HSPG2: variants seen among roughly 807,000 people sequenced by gnomAD.
The protein encoded by HSPG2 is basement membrane-specific heparan sulfate proteoglycan core protein.
Under a neutral mutation model 526.6 loss-of-function variants are expected in HSPG2, and 278 were observed. The observed-to-expected ratio is 0.53, with a 90% CI of 0.48 to 0.58. The LOEUF is 0.58. HSPG2 is among the 20% of genes least tolerant of loss of function. The pLI is 0.00. For missense variants in HSPG2, 5,354 were observed against 6,099.5 expected (o/e 0.88, Z 4.07); for synonymous variants, 2,465 against 2,555.4 (o/e 0.96, Z 1.07).
In HSPG2 at chr1:21,893,617, G is replaced by C. The variant is rs1642523801; in HGVS notation, c.244+2305C>G. ...GAGGGGACTCCTCATCAGGCTCCGAGACCATCATGCCAGCCACGGGCGGGC... is the reference window on the plus strand; with the variant it reads ...GAGGGGACTCCTCATCAGGCTCCGACACCATCATGCCAGCCACGGGCGGGC... On this transcript the variant is annotated intron_variant, in intron 3 of 96. Coordinates refer to ENST00000374695, the MANE Select transcript of HSPG2 (RefSeq NM_005529.7). The surrounding 1 kb of genome is among the most constrained non-coding windows in gnomAD (Gnocchi z 4.3). 6.6e-6 allele frequency among the ~76,000 whole-genome samples: 1 copy of C among 152,088 alleles called. No homozygotes were observed. The highest frequency in any genetic ancestry group is 6.5e-5 in the Admixed American group (1 of 15,280).
chr1:21,877,225 C>G (rs534930533), intron 21 of HSPG2, among the ~76,000 whole-genome samples: 1 of 152,102 alleles, frequency 6.6e-6, no homozygotes. Flanking sequence ...TGAAATACAG[C>G]GACTTGATTG....
chr1:21,831,024 C>T lies in HSPG2; in HGVS notation c.11629G>A (p.Gly3877Arg), dbSNP rs769113513. Reference protein sequence around the residue: ...YVCVCPAGFTGSRCEHSQALH... With the variant: ...YVCVCPAGFTRSRCEHSQALH... Reference sequence around the variant, plus strand: ...GCCTGCGAGTGCTCACAGCGGCTCCCGGTGAAGCCAGCTGGGCAGACGCAC... The same window carrying T: ...GCCTGCGAGTGCTCACAGCGGCTCCTGGTGAAGCCAGCTGGGCAGACGCAC... The change falls in exon 85 of 97, where the codon GGG becomes AGG. Residue 3877 changes from glycine (G) to arginine (R), a missense_variant. Transcript: ENST00000374695. The T allele has an allele frequency of 3.3e-5, 52 of 1,590,848 alleles. No homozygotes were observed. Among genetic ancestry groups the T allele is most frequent in the Admixed American group, 2.0e-4 (11 of 55,332 alleles).
chr1:21,864,069 A>T lies in HSPG2; in HGVS notation c.4740+31T>A. On this transcript the variant is annotated intron_variant, in intron 37 of 96. Transcript: ENST00000374695. This position sits in a 1 kb window ranked among gnomAD's most constrained non-coding sequence, Gnocchi z 4.8. ...CCCCCACCCAGGCCCAGCTGAGCTG[A>T]CCCCCTGTCCTGGCCTCGCTTGCAG... 6.6e-7 allele frequency: 1 copy of T among 1,506,352 alleles called. No individual in the cohort carries two copies. The highest frequency in any genetic ancestry group is 1.4e-5 in the African/African-American group (1 of 72,000). 93.3% of individuals were successfully genotyped at this position (1,506,352 alleles called of 1,614,324 possible).
intron 1 of HSPG2, among the ~76,000 whole-genome samples, chr1:21,912,666 C>T (rs1381465294): frequency 2.0e-5 from 3 of 152,120 alleles, no homozygotes; most frequent in Admixed American, 6.6e-5. Flanking sequence ...TTTGTGCCTC[C>T]CATACCCCCA....
chr1:21,883,210 T>G (rs1343801287), intron 13 of HSPG2, among the ~76,000 whole-genome samples: 2 of 152,250 alleles, frequency 1.3e-5, no homozygotes, highest in African/African-American at 4.8e-5. Context: ...TTTTTGGCAG[T>G]TCGTTGACTG....
intron 1 of HSPG2, among the ~76,000 whole-genome samples, chr1:21,936,482 C>T (rs891449750): frequency 1.3e-5 from 2 of 152,200 alleles, no homozygotes; most frequent in East Asian, 1.9e-4. Context: ...TGCAGCTATG[C>T]ATTTTGAGGC....
Position 21,851,561 on chromosome 1 carries a change from G to A in HSPG2, c.7143C>T (p.Leu2381=). 1.2e-6 allele frequency: 2 copies of A among 1,614,016 alleles called. No individual in the cohort carries two copies. Among genetic ancestry groups the A allele is most frequent in the South Asian group, 1.1e-5 (1 of 91,084 alleles). ...AGTCCCATACCTGGTGCCGGACAGGGAGGCTGCCCCCACGCTTGTGCCACG... is the reference window on the plus strand; with the variant it reads ...AGTCCCATACCTGGTGCCGGACAGGAAGGCTGCCCCCACGCTTGTGCCACG... ...QVTWHKRGGS[L]PVRHQTHGSL... Residue 2381 remains leucine (L), a synonymous_variant, in exon 55 of 97, where the codon CTC becomes CTT. Coordinates refer to ENST00000374695, the MANE Select transcript of HSPG2 (RefSeq NM_005529.7).
At chr1:21,852,384 A>T (rs1313580505) in intron 52 of HSPG2, 151 bp from the exon 53 acceptor site, 1 of 999,898 alleles carries the variant, frequency 1.0e-6, no homozygotes, top group Non-Finnish European at 1.5e-6. Flanking sequence ...CCCTCAGCTC[A>T]GCAACCCTGA....
chr1:21,895,372 GAGCCT>G lies in HSPG2; in HGVS notation c.244+545_244+549del, dbSNP rs1461603467. Among the ~76,000 whole-genome samples, 1 of 152,174 alleles carries G rather than the reference GAGCCT, an allele frequency of 6.6e-6. No homozygotes were observed. Among genetic ancestry groups the G allele is most frequent in the Non-Finnish European group, 1.5e-5 (1 of 68,000 alleles). ...TGGGGGCTGACTCTCCTCCCTCCAA[GAGCCT>G]AGCCTTGCCTCCCTAAGCTAGGAAC... On this transcript the variant is annotated intron_variant, in intron 3 of 96. Coordinates refer to ENST00000374695, the MANE Select transcript of HSPG2 (RefSeq NM_005529.7). The surrounding 1 kb of genome is among the most constrained non-coding windows in gnomAD (Gnocchi z 4.1).
chr1:21,911,850 C>A (rs927399600), intron 1 of HSPG2, among the ~76,000 whole-genome samples: 1 of 152,202 alleles, frequency 6.6e-6, no homozygotes, highest in African/African-American at 2.4e-5. Context: ...CGGTGCCAAG[C>A]CTTTCCAGCC....
chr1:21,889,687 T>C (rs200338632), intron 6 of HSPG2: 4 of 436,936 alleles, frequency 9.2e-6, no homozygotes, highest in Non-Finnish European at 1.7e-5. Flanking sequence ...TATTAAGTAC[T>C]AATGTGTTTT....
intron 13 of HSPG2, among the ~76,000 whole-genome samples, chr1:21,881,955 AAAAAAAAAAGAAAGAAAAG>A (rs1557777632): frequency 1.3e-5 from 2 of 151,682 alleles, no homozygotes; most frequent in Non-Finnish European, 2.9e-5. Context: ...AAAAAAAAAA[AAAAAAAAAAGAAAGAAAAG>A]AAAAAGAAAA....
rs1338601488 is a variant in HSPG2, at chr1:21,829,500, G to A, written c.11875C>T (p.Pro3959Ser). ...HELRLDVEFK[P>S]LAPDGVLLFS... is the part of the protein sequence containing the mutation. ...AGCAGGACCCCGTCAGGGGCGAGTG[G>A]CTTGAACTCCACGTCCAGGCGTAGC... Residue 3959 changes from proline (P) to serine (S), a missense_variant, in exon 87 of 97, where the codon CCA becomes TCA. By Grantham distance (74) the Pro-to-Ser change is moderately conservative. Transcript: ENST00000374695. 13 of 1,613,116 alleles carry A rather than the reference G, an allele frequency of 8.1e-6. No individual in the cohort carries two copies. Among genetic ancestry groups the A allele is most frequent in the Non-Finnish European group, 1.0e-5 (12 of 1,179,854 alleles).
chr1:21,884,708 C>T lies in HSPG2; in HGVS notation c.1508-34G>A, dbSNP rs769935047. The T allele has an allele frequency of 3.7e-6, 6 of 1,610,548 alleles. No homozygotes were observed. In the East Asian group the frequency reaches 6.7e-5, roughly 18 times the overall value. On this transcript the variant is annotated intron_variant, in intron 12 of 96. Transcript: ENST00000374695. ...CGGCATGGGCGGGGGCTGCAGCCGG[C>T]TGTGGTGGGCAGCCCGGCTCTGCCC...
At chr1:21,868,481 G>T (rs183862442) in intron 33 of HSPG2, among the ~76,000 whole-genome samples, 3 of 152,134 alleles carry the variant, frequency 2.0e-5, no homozygotes, top group South Asian at 4.2e-4. Context: ...GGATGGACAG[G>T]GAGCTCTGGG....
chr1:21,898,218 G>A lies in HSPG2; in HGVS notation c.64-1908C>T, dbSNP rs1354403871. Among the ~76,000 whole-genome samples the A allele has an allele frequency of 6.6e-6, 1 of 152,148 alleles. No individual in the cohort carries two copies. The highest frequency in any genetic ancestry group is 2.4e-5 in the African/African-American group (1 of 41,424). On this transcript the variant is annotated intron_variant, in intron 1 of 96. Coordinates refer to ENST00000374695, the MANE Select transcript of HSPG2 (RefSeq NM_005529.7). The surrounding 1 kb of genome is among the most constrained non-coding windows in gnomAD (Gnocchi z 4.0). The stretch of plus-strand genomic sequence containing the variant: ...CTAGGCTGTGAGCTCCCTGGATGGG[G>A]GAGTGGCTGGGTGCCATTTGTTCAT...
intron 65 of HSPG2, 140 bp from the exon 66 acceptor site, chr1:21,843,578 T>C: frequency 1.2e-6 from 1 of 804,504 alleles, no homozygotes; most frequent in Non-Finnish European, 1.9e-6. Context: ...ACAGTCCGCA[T>C]TGTGGAGGGC....
rs1557695205 is a variant in HSPG2 at position 21,841,118 on chromosome 1, T to C, written c.9496A>G (p.Ser3166Gly). 6.2e-7 allele frequency: 1 copy of C among 1,611,542 alleles called. No individual in the cohort carries two copies. The highest frequency in any genetic ancestry group is 8.5e-7 in the Non-Finnish European group (1 of 1,179,244). The change falls in exon 71 of 97, where the codon AGC (serine) becomes GGC (glycine). Residue 3166 changes from serine (S) to glycine (G), a missense_variant. Physicochemically the swap from Ser to Gly is moderately conservative, Grantham distance 56. Coordinates refer to ENST00000374695, the MANE Select transcript of HSPG2 (RefSeq NM_005529.7). ...GGCTTCACCTGCAGCACCGCGTGGC[T>C]GTCCATGAGCCCATATGTCCGCTGC... ...LEQRTYGLMD[S>G]HAVLQISSAK...
At chr1:21,884,444 T>A in intron 13 of HSPG2, 84 bp downstream of exon 13, 1 of 1,561,966 alleles carries the variant, frequency 6.4e-7, no homozygotes, top group South Asian at 1.1e-5. Flanking sequence ...TGGCCCCCTC[T>A]GTCCGCATCT....
Sources: gnomAD v4.1 joint callset for allele counts (sites outside exome capture counted in the v4.1 genomes callset) on GRCh38, gnomAD v4.1.1 for gene constraint, Gnocchi (gnomAD v3.1) non-coding constraint, MANE v1.5 for transcripts, NCBI Gene and HGNC (gene_info 2026-07-23, HGNC 2026-07-21) for gene names.